Variants in CACUL1 observed in about 807,000 individuals in gnomAD.
CACUL1 encodes the protein CDK2-associated and cullin domain-containing protein 1.
CACUL1 carries 13 observed loss-of-function variants against 45.2 expected under a neutral mutation model. The observed-to-expected ratio is 0.29, with a 90% CI of 0.19 to 0.46. The LOEUF (loss-of-function observed/expected upper bound fraction) is 0.46. Among genes scored for constraint, CACUL1 ranks in the 20% least tolerant of loss-of-function variants. CACUL1 has a pLI of 1.00. For synonymous variants in CACUL1, 197 were observed against 174.2 expected, an observed-to-expected ratio of 1.13 and a Z score of -1.03; for missense variants, 421 against 471.4, an observed-to-expected ratio of 0.89 and a Z score of 0.99.
At chr10:118,742,924 G>T (rs1845805843) in intron 1 of CACUL1, among the ~76,000 whole-genome samples, 1 of 152,146 alleles carries the variant, frequency 6.6e-6, no homozygotes, top group Non-Finnish European at 1.5e-5. Context: ...GAACAATGAA[G>T]AAAGAACTTT....
intron 3 of CACUL1, among the ~76,000 whole-genome samples, chr10:118,726,550 A>G (rs1261245396): frequency 6.6e-6 from 1 of 152,212 alleles, no homozygotes; most frequent in African/African-American, 2.4e-5. Flanking sequence ...TCCACAGAAG[A>G]AATGCCAATA....
chr10:118,749,850 A>G (rs912345755), intron 1 of CACUL1, among the ~76,000 whole-genome samples: 2 of 151,514 alleles, frequency 1.3e-5, no homozygotes, highest in African/African-American at 2.4e-5. Context: ...GTGGACCCGT[A>G]GTAACACTGT....
intron 4 of CACUL1, among the ~76,000 whole-genome samples, chr10:118,702,875 C>G (rs1362713497): frequency 2.6e-5 from 4 of 151,994 alleles, no homozygotes; most frequent in Non-Finnish European, 5.9e-5. Flanking sequence ...AGCCACCATG[C>G]CTGGCAAAAA....
chr10:118,684,096 A>G lies in CACUL1; in HGVS notation c.*2032T>C, dbSNP rs372244114. The G allele has an allele frequency of 1.3e-5, 2 of 152,650 alleles. No homozygotes were observed. The highest frequency in any genetic ancestry group is 1.9e-4 in the East Asian group (1 of 5,198). 9.5% of individuals were successfully genotyped at this position (152,650 alleles called of 1,614,324 possible). On this transcript the variant is annotated 3_prime_UTR_variant, in exon 9 of 9. Coordinates refer to ENST00000369151, the MANE Select transcript of CACUL1 (RefSeq NM_153810.5). ...AGTAAAAAGAATATATTTCTCCATG[A>G]ACTTAATAATGCAAAAGCATCCAAA... is the stretch of plus-strand genomic sequence containing the variant.
At position 118,697,759 on chromosome 10, in the gene CACUL1, T is replaced by G. The variant is rs1475274444; in HGVS notation, c.797-2529A>C. On this transcript the variant is annotated intron_variant, in intron 5 of 8. Coordinates refer to ENST00000369151, the MANE Select transcript of CACUL1 (RefSeq NM_153810.5). ...CACTGTGCAAACTGAACTATAAATC[T>G]GCTGCTGCAAAAGTCAACACACTAT... 2.6e-5 allele frequency among the ~76,000 whole-genome samples: 4 copies of G among 152,380 alleles called. No individual in the cohort carries two copies. The East Asian group carries it at 7.7e-4, about 29-fold the overall frequency.
At chr10:118,743,259 T>C (rs1295936911) in intron 1 of CACUL1, among the ~76,000 whole-genome samples, 7 of 152,068 alleles carry the variant, frequency 4.6e-5, no homozygotes, top group Non-Finnish European at 2.9e-5. Flanking sequence ...ACAAGTGTTA[T>C]AACATATGTG....
At chr10:118,686,714 T>C in intron 7 of CACUL1, 73 bp from the exon 8 acceptor site, 1 of 1,054,440 alleles carries the variant, frequency 9.5e-7, no homozygotes, top group Non-Finnish European at 1.5e-6. Flanking sequence ...ACATATTTGA[T>C]AATAAAAGTA....
intron 3 of CACUL1, among the ~76,000 whole-genome samples, chr10:118,727,168 C>T (rs1420101662): frequency 1.3e-5 from 2 of 152,022 alleles, no homozygotes; most frequent in Admixed American, 6.6e-5. Flanking sequence ...GCTGGCAGAT[C>T]GCTTGAGTCC....
In CACUL1 at chr10:118,754,874, C is replaced by A; in HGVS notation, c.-112G>T. On this transcript the variant is annotated 5_prime_UTR_variant, in exon 1 of 9. Coordinates refer to ENST00000369151, the MANE Select transcript of CACUL1 (RefSeq NM_153810.5). Reference sequence around the variant, plus strand: ...TTACATCGCCGGCGGCAGGAATGGGCGCAGCGGAGAGGGCTGCGGTGCGCA... The same window carrying A: ...TTACATCGCCGGCGGCAGGAATGGGAGCAGCGGAGAGGGCTGCGGTGCGCA... 1 of 1,421,972 alleles carries A rather than the reference C, an allele frequency of 7.0e-7. No homozygotes were observed. Among genetic ancestry groups the A allele is most frequent in the Non-Finnish European group, 9.4e-7 (1 of 1,064,344 alleles). 88.1% of individuals were successfully genotyped at this position (1,421,972 alleles called of 1,614,324 possible). A position where few individuals can be genotyped will look rare whatever the true frequency, so the allele number is the denominator to read the frequency against.
At chr10:118,732,429 G>A (rs1242322804) in intron 1 of CACUL1, among the ~76,000 whole-genome samples, 1 of 152,122 alleles carries the variant, frequency 6.6e-6, no homozygotes, top group Non-Finnish European at 1.5e-5. Context: ...GATACTGTTG[G>A]TGCCCCACCC....
chr10:118,701,562 A>G (rs1179860909), intron 4 of CACUL1, among the ~76,000 whole-genome samples, 154 bp from the exon 5 acceptor site: 5 of 152,218 alleles, frequency 3.3e-5, no homozygotes. Flanking sequence ...TGCAACTATT[A>G]GTTACTTGTC....
At chr10:118,737,442 AC>A (rs1487372693) in intron 1 of CACUL1, among the ~76,000 whole-genome samples, 3 of 151,980 alleles carry the variant, frequency 2.0e-5, no homozygotes, top group African/African-American at 7.2e-5. Context: ...TCATTAACAC[AC>A]TCTTTAAGGG....
chr10:118,698,649 A>G (rs1845347096), intron 5 of CACUL1, among the ~76,000 whole-genome samples: 1 of 152,180 alleles, frequency 6.6e-6, no homozygotes, highest in Non-Finnish European at 1.5e-5. Context: ...CCAACCTACC[A>G]GCCACGTGAA....
At chr10:118,733,356 A>G (rs117681085) in intron 1 of CACUL1, among the ~76,000 whole-genome samples, 1,954 of 152,254 alleles carry the variant, frequency 0.013, 19 homozygotes, top group Non-Finnish European at 0.021. Flanking sequence ...TTCTATTTCC[A>G]CACGTATTAT....
chr10:118,735,602 G>C (rs574426653), intron 1 of CACUL1, among the ~76,000 whole-genome samples: 4 of 152,244 alleles, frequency 2.6e-5, no homozygotes, highest in Admixed American at 6.5e-5. Flanking sequence ...GGTTCACTTA[G>C]GTGTTCCTCT....
rs944742491 is a variant in CACUL1, at chr10:118,754,933, G to C, written c.-171C>G. 3 of 901,718 alleles carry C rather than the reference G, an allele frequency of 3.3e-6. No individual in the cohort carries two copies. Among genetic ancestry groups the C allele is most frequent in the Admixed American group, 7.5e-5 (2 of 26,590 alleles). 55.9% of individuals were successfully genotyped at this position (901,718 alleles called of 1,614,324 possible). On this transcript the variant is annotated 5_prime_UTR_variant, in exon 1 of 9. Coordinates refer to ENST00000369151, the MANE Select transcript of CACUL1 (RefSeq NM_153810.5). ...CGCTCTCCGCGGGGCCGACTAGCTT[G>C]AAGACGCGGCTGACGGCGGTGGGCG...
At chr10:118,689,371 A>T (rs1451945191) in intron 7 of CACUL1, among the ~76,000 whole-genome samples, 4 of 152,250 alleles carry the variant, frequency 2.6e-5, no homozygotes, top group Non-Finnish European at 5.9e-5. Flanking sequence ...TACTTTTATG[A>T]GGCAAAGTTT....
In CACUL1 at chr10:118,682,248, T is replaced by C. The variant is rs944386628; in HGVS notation, c.*3880A>G. 1 of 152,262 alleles carries C rather than the reference T, an allele frequency of 6.6e-6. No individual in the cohort carries two copies. The highest frequency in any genetic ancestry group is 1.5e-5 in the Non-Finnish European group (1 of 68,048). The allele number at this position is 152,262 out of a possible 1,614,324, so 9.4% of individuals were successfully genotyped here. A position where few individuals can be genotyped will look rare whatever the true frequency, so the allele number is the denominator to read the frequency against. The stretch of plus-strand genomic sequence containing the variant: ...TAATGTAGGTTGTTTTGCTTTTTAG[T>C]TGCAAAGCTTTTCAGTATCTCAGAT... On this transcript the variant is annotated 3_prime_UTR_variant, in exon 9 of 9. Coordinates refer to ENST00000369151, the MANE Select transcript of CACUL1 (RefSeq NM_153810.5).
chr10:118,691,882 A>G (rs939894348), intron 6 of CACUL1, among the ~76,000 whole-genome samples: 24 of 151,086 alleles, frequency 1.6e-4, no homozygotes, highest in African/African-American at 5.1e-4. Flanking sequence ...AAAAAAAAAA[A>G]AAAAAAAAGA....
Sources: allele counts gnomAD v4.1 joint callset (sites outside exome capture counted in the v4.1 genomes callset), GRCh38; gene constraint gnomAD v4.1.1; transcripts MANE v1.5; gene names NCBI Gene and HGNC (gene_info 2026-07-23, HGNC 2026-07-21).